PLA2G4B: variants seen among roughly 807,000 people sequenced by gnomAD.
The protein encoded by PLA2G4B is phospholipase A2 group IVB.
A neutral mutation model predicts 95.8 loss-of-function variants in PLA2G4B; 122 were observed. The observed-to-expected ratio is 1.27, with a 90% confidence interval of 1.10 to 1.48. The LOEUF is 1.48. Among genes scored for constraint, PLA2G4B ranks in the 40% most tolerant of loss-of-function variants. The pLI, the probability that PLA2G4B is intolerant of heterozygous loss-of-function variation, is 0.00. For missense variants in PLA2G4B, 1,158 were observed against 996.2 expected, an observed-to-expected ratio of 1.16 and a Z score of -2.19; for synonymous variants, 518 against 421.5, an observed-to-expected ratio of 1.23 and a Z score of -2.80.
chr15:41,847,461 G>A lies in PLA2G4B; in HGVS notation c.2072G>A (p.Gly691Glu). ...ACCTTCTCCGACCCCACCTGCCCCG[G>A]AGCCCCTGCGGTGCTGCACTTTCCT... ...CHTFSDPTCP[G>E]APAVLHFPLV... The change falls in exon 19 of 20, where the codon GGA becomes GAA. Residue 691 changes from glycine to glutamate, a missense_variant. Physicochemically the swap from Gly to Glu is moderately conservative, Grantham distance 98 (BLOSUM62 -2). Coordinates refer to ENST00000458483, the MANE Select transcript of PLA2G4B (RefSeq NM_001114633.2). The A allele has an allele frequency of 1.2e-6, 2 of 1,613,160 alleles. No individual in the cohort carries two copies. Among genetic ancestry groups the A allele is most frequent in the Non-Finnish European group, 1.7e-6 (2 of 1,179,644 alleles).
chr15:41,841,286 G>C lies in PLA2G4B; in HGVS notation c.435+13G>C. On this transcript the variant is annotated intron_variant, in intron 6 of 19. Transcript: ENST00000458483. Reference sequence around the variant, plus strand: ...TGGCGTTCTGGTGGTGAGTGTGCCAGTGCTCTGGGAGGCGGTCTGGGGTCC... The same window carrying C: ...TGGCGTTCTGGTGGTGAGTGTGCCACTGCTCTGGGAGGCGGTCTGGGGTCC... 2 of 1,612,456 alleles carry C rather than the reference G, an allele frequency of 1.2e-6. No individual in the cohort carries two copies. Among genetic ancestry groups the C allele is most frequent in the Non-Finnish European group, 1.7e-6 (2 of 1,179,990 alleles).
At chr15:41,846,876 GCCCCTGT>G (rs2065564142) in intron 18 of PLA2G4B, 41 bp downstream of exon 18, 1 of 1,573,766 alleles carries the variant, frequency 6.4e-7, no homozygotes, top group Non-Finnish European at 8.7e-7. Flanking sequence ...GCGGTGGGTG[GCCCCTGT>G]CCCCTGAAGA....
At chr15:41,840,710 C>A in intron 3 of PLA2G4B, 50 bp downstream of exon 3, 5 of 1,605,832 alleles carry the variant, frequency 3.1e-6, no homozygotes, top group Non-Finnish European at 4.3e-6. Flanking sequence ...CCAGCCACTG[C>A]CGCTGCCCTG....
At chr15:41,841,445 A>G (rs931040973) in intron 6 of PLA2G4B, 72 bp from the exon 7 acceptor site, 11 of 1,610,452 alleles carry the variant, frequency 6.8e-6, no homozygotes, top group Non-Finnish European at 8.5e-6. Context: ...AGCAGCAGCC[A>G]GGGTGCTGCG....
chr15:41,844,917 G>C lies in PLA2G4B; in HGVS notation c.1086G>C (p.Leu362=). The change falls in exon 13 of 20, where the codon CTG becomes CTC. Residue 362 remains leucine, a synonymous_variant. Transcript: ENST00000458483. ...QKDLAGPTEL[L]KTQVTKNKLG... ...ACCTGGCAGGGCCCACTGAGTTGCT[G>C]AAGACCCAGGTGACCAAGAACAAGC... 5 of 1,612,482 alleles carry C rather than the reference G, an allele frequency of 3.1e-6. No individual in the cohort carries two copies. The highest frequency in any genetic ancestry group is 3.4e-6 in the Non-Finnish European group (4 of 1,179,470).
chr15:41,846,912 G>T, intron 18 of PLA2G4B, 77 bp downstream of exon 18: 5 of 1,487,178 alleles, frequency 3.4e-6, no homozygotes, highest in South Asian at 1.4e-5. Context: ...TTGGAGTCCA[G>T]TGTCTGGTTC....
rs766143685 is a variant in PLA2G4B at position 41,847,707 on chromosome 15, C to T, written c.2193C>T (p.Asp731=). The change falls in exon 20 of 20, where the codon GAC becomes GAT. Residue 731 remains aspartate (D), a synonymous_variant. Coordinates refer to ENST00000458483, the MANE Select transcript of PLA2G4B (RefSeq NM_001114633.2). ...AAGEVNLSSS[D]SPYHYTKVTY... Reference sequence around the variant, plus strand: ...GGGAGGTGAACCTGTCTTCATCGGACTCTCCCTACCACTACACGAAGGTGA... The same window carrying T: ...GGGAGGTGAACCTGTCTTCATCGGATTCTCCCTACCACTACACGAAGGTGA... The T allele has an allele frequency of 6.2e-7, 1 of 1,613,660 alleles. No individual in the cohort carries two copies. Among genetic ancestry groups the T allele is most frequent in the South Asian group, 1.1e-5 (1 of 91,086 alleles).
Position 41,840,211 on chromosome 15 carries a change from C to T in PLA2G4B, c.63C>T (p.Arg21=), listed in dbSNP as rs778923237. ...CGGTTCGTGTCCTGCAGGCCCATCGCCTACCCTCTAAGGACCTAGGTGAGT... is the reference window on the plus strand; with the variant it reads ...CGGTTCGTGTCCTGCAGGCCCATCGTCTACCCTCTAAGGACCTAGGTGAGT... The part of the protein sequence containing the change: ...LLTVRVLQAH[R]LPSKDLVTPS... The change falls in exon 2 of 20, where the codon CGC becomes CGT. Residue 21 remains arginine (R), a synonymous_variant. Coordinates refer to ENST00000458483, the MANE Select transcript of PLA2G4B (RefSeq NM_001114633.2). 2 of 1,613,316 alleles carry T rather than the reference C, an allele frequency of 1.2e-6. No individual in the cohort carries two copies. The highest frequency in any genetic ancestry group is 4.5e-5 in the East Asian group (2 of 44,868).
At position 41,847,324 on chromosome 15, in the gene PLA2G4B, G is replaced by A. The variant is rs1169003068; in HGVS notation, c.1948-13G>A. 4 of 1,586,380 alleles carry A rather than the reference G, an allele frequency of 2.5e-6. No individual in the cohort carries two copies. The highest frequency in any genetic ancestry group is 3.4e-6 in the Non-Finnish European group (4 of 1,163,164). ...GCCCTGTCCCTCTGAAGCCCCTTCT[G>A]CCTGCCCTGCAGCAGTTGCAGCTCC... is the stretch of plus-strand genomic sequence containing the variant. On this transcript the variant is annotated splice_polypyrimidine_tract_variant and intron_variant, in intron 18 of 19. Coordinates refer to ENST00000458483, the MANE Select transcript of PLA2G4B (RefSeq NM_001114633.2).
At chr15:41,845,817 GA>G in intron 15 of PLA2G4B, 42 bp downstream of exon 15, 1 of 1,558,818 alleles carries the variant, frequency 6.4e-7, no homozygotes, top group Non-Finnish European at 8.7e-7. Flanking sequence ...GCCGAGCAGG[GA>G]AAATGGGTCC....
chr15:41,847,812 G>T lies in PLA2G4B; in HGVS notation c.2298G>T (p.Glu766Asp). The T allele has an allele frequency of 6.2e-7, 1 of 1,608,548 alleles. No individual in the cohort carries two copies. Among genetic ancestry groups the T allele is most frequent in the Non-Finnish European group, 8.5e-7 (1 of 1,180,000 alleles). The change falls in exon 20 of 20, where the codon GAG becomes GAT. Residue 766 changes from glutamate to aspartate, a missense_variant. Glu to Asp is a conservative substitution (Grantham distance 45). Coordinates refer to ENST00000458483, the MANE Select transcript of PLA2G4B (RefSeq NM_001114633.2). ...NVCNNQEQLL[E>D]ALRQAVQRRR... ...GCAACAACCAGGAGCAGCTGCTGGA[G>T]GCTCTGCGCCAGGCAGTGCAGCGGA...
At chr15:41,842,672 G>A in intron 10 of PLA2G4B, 81 bp downstream of exon 10, 2 of 1,528,152 alleles carry the variant, frequency 1.3e-6, no homozygotes, top group Admixed American at 4.3e-5. Flanking sequence ...GAGGAGTGAG[G>A]GGGAGAAACA....
chr15:41,847,580 C>T lies in PLA2G4B; in HGVS notation c.2134+57C>T, dbSNP rs2065590475. 9 of 1,609,326 alleles carry T rather than the reference C, an allele frequency of 5.6e-6. 1 individual carries two copies. The South Asian group carries it at 7.7e-5, about 14-fold the overall frequency. ...CCCCAGTCCCCCACACCTCCTCCGT[C>T]CCCTGTGCCTCTCCAAACCTGTCTT... On this transcript the variant is annotated intron_variant, in intron 19 of 19. Coordinates refer to ENST00000458483, the MANE Select transcript of PLA2G4B (RefSeq NM_001114633.2).
chr15:41,846,520 C>T (rs895882799), intron 17 of PLA2G4B, 138 bp downstream of exon 17: 18 of 1,503,878 alleles, frequency 1.2e-5, no homozygotes, highest in African/African-American at 2.8e-5. Context: ...TCTTTTTCTC[C>T]TTGTCTTGGG....
rs1754362273 is a variant in PLA2G4B at position 41,840,808 on chromosome 15, T to A, written c.254T>A (p.Leu85Gln). 6.2e-7 allele frequency: 1 copy of A among 1,613,954 alleles called. No individual in the cohort carries two copies. Among genetic ancestry groups the A allele is most frequent in the Non-Finnish European group, 8.5e-7 (1 of 1,179,988 alleles). ...VMELKVFDQD[L>Q]VTGDDPVLSV... ...GAACTGAAAGTCTTTGACCAGGACC[T>A]GGTGACCGGAGATGACCCTGTGTTG... Residue 85 changes from leucine to glutamine, a missense_variant, in exon 4 of 20, where the codon CTG becomes CAG. Transcript: ENST00000458483.
At chr15:41,846,117 G>T (rs778043703) in intron 16 of PLA2G4B, 70 bp downstream of exon 16, 2 of 1,579,038 alleles carry the variant, frequency 1.3e-6, no homozygotes, top group Non-Finnish European at 1.7e-6. Flanking sequence ...GGGGCGGGGG[G>T]TTCACACCTC....
chr15:41,843,835 G>T (rs1567170927), intron 11 of PLA2G4B, 24 bp downstream of exon 11: 2 of 1,611,312 alleles, frequency 1.2e-6, no homozygotes, highest in Non-Finnish European at 8.5e-7. Flanking sequence ...GCTGGATGGG[G>T]TGTCCCCGGG....
intron 4 of PLA2G4B, 61 bp downstream of exon 4, chr15:41,840,966 A>T (rs888970848): frequency 2.5e-6 from 4 of 1,588,970 alleles, no homozygotes; most frequent in Non-Finnish European, 3.4e-6. Flanking sequence ...CCACGCGCAC[A>T]CATGCACACA....
chr15:41,843,568 T>C (rs556476981), intron 10 of PLA2G4B, 108 bp from the exon 11 acceptor site: 4 of 1,514,694 alleles, frequency 2.6e-6, no homozygotes, highest in Non-Finnish European at 3.5e-6. Context: ...GCATTGAGGG[T>C]TGGGGAGAAG....
Sources: gnomAD v4.1 joint callset for allele counts on GRCh38, gnomAD v4.1.1 for gene constraint, MANE v1.5 for transcripts, NCBI Gene and HGNC (gene_info 2026-07-23, HGNC 2026-07-21) for gene names.